The following CDH1 variants were observed in gnomAD, a reference collection of about 807,000 sequenced individuals.
CDH1 encodes cadherin-1.
In CDH1, 35 loss-of-function variants were observed where a neutral mutation model predicts 84.5. That is an observed-to-expected ratio of 0.41 (90% confidence interval 0.32 to 0.55). CDH1 has a LOEUF of 0.55. Ranked by LOEUF, CDH1 falls within the 20% of genes least tolerant of loss-of-function variation. CDH1 has a pLI of 0.19. For synonymous variants in CDH1, 417 were observed against 439.0 expected (o/e 0.95, Z 0.63); for missense variants, 994 against 1,126.6 (o/e 0.88, Z 1.68).
At chr16:68,801,529 G>T in intron 2 of CDH1, 141 bp from the exon 3 acceptor site, 1 of 758,992 alleles carries the variant, frequency 1.3e-6, no homozygotes. Flanking sequence ...TGATAGCTTT[G>T]TTGTTCTGTC....
chr16:68,801,776 G>A lies in CDH1; in HGVS notation c.270G>A (p.Arg90=), dbSNP rs777822181. ...TGATTACAGTCAAAAGGCCTCTACG[G>A]TTTCATAACCCACAGATCCATTTCT... The part of the protein sequence containing the change: ...DGVITVKRPL[R]FHNPQIHFLV... The change falls in exon 3 of 16, where the codon CGG becomes CGA. Residue 90 remains arginine (R), a synonymous_variant. Coordinates refer to ENST00000261769, the MANE Select transcript of CDH1 (RefSeq NM_004360.5). The A allele has an allele frequency of 6.8e-6, 11 of 1,614,122 alleles. No individual in the cohort carries two copies. In the Middle Eastern group the frequency reaches 1.3e-3, roughly 194 times the overall value.
chr16:68,742,600 G>A (rs1190956921), intron 2 of CDH1: 1 of 152,492 alleles, frequency 6.6e-6, no homozygotes, highest in African/African-American at 2.4e-5. Flanking sequence ...GGTTAGGCTG[G>A]TCTACAATCT....
intron 2 of CDH1, among the ~76,000 whole-genome samples, chr16:68,781,877 G>C (rs1462272774): frequency 4.6e-5 from 7 of 152,098 alleles, no homozygotes; most frequent in Non-Finnish European, 8.8e-5. Context: ...GTTCCAGGGG[G>C]CCCATGCCTT....
intron 2 of CDH1, among the ~76,000 whole-genome samples, chr16:68,782,728 G>A (rs937369454): frequency 7.2e-5 from 11 of 152,082 alleles, no homozygotes; most frequent in African/African-American, 2.7e-4. Context: ...CATTGTGACC[G>A]ATCCTTCGCA....
chr16:68,766,131 C>T (rs181952709), intron 2 of CDH1, among the ~76,000 whole-genome samples: 51 of 152,110 alleles, frequency 3.4e-4, no homozygotes, highest in Non-Finnish European at 2.5e-4. Flanking sequence ...TGGTGGTGCG[C>T]GCCTGTAGTC....
chr16:68,757,437 A>T (rs527694572), intron 2 of CDH1, among the ~76,000 whole-genome samples: 117 of 152,152 alleles, frequency 7.7e-4, no homozygotes, highest in African/African-American at 2.6e-3. Context: ...TGGGCTTTGT[A>T]ATTTGGTTAT....
At chr16:68,783,165 G>C (rs2152122294) in intron 2 of CDH1, among the ~76,000 whole-genome samples, 1 of 152,102 alleles carries the variant, frequency 6.6e-6, no homozygotes, top group African/African-American at 2.4e-5. Flanking sequence ...GGGAGGCCGA[G>C]GCAGGCAGAT....
chr16:68,753,027 T>C (rs1962923427), intron 2 of CDH1, among the ~76,000 whole-genome samples: 1 of 151,944 alleles, frequency 6.6e-6, no homozygotes, highest in South Asian at 2.1e-4. Flanking sequence ...AAGAGCTTGA[T>C]GAGAGACGCA....
intron 3 of CDH1, 75 bp from the exon 4 acceptor site, chr16:68,808,349 G>A (rs2152129467): frequency 3.3e-6 from 5 of 1,498,240 alleles, no homozygotes; most frequent in Non-Finnish European, 4.6e-6. Flanking sequence ...ACGCTGTCTG[G>A]CTAGGTTGGA....
At position 68,811,396 on chromosome 16, in the gene CDH1, CAA is replaced by C. The variant is rs1158343325; in HGVS notation, c.833-268_833-267del. On this transcript the variant is annotated intron_variant, in intron 6 of 15. Coordinates refer to ENST00000261769, the MANE Select transcript of CDH1 (RefSeq NM_004360.5). ...GGGCAACAGGAGCAAAACTCCGTCTCAAAAAAAAAAAAAAAAAAAAAGATAAC... is the reference window on the plus strand; with the variant it reads ...GGGCAACAGGAGCAAAACTCCGTCTCAAAAAAAAAAAAAAAAAAAGATAAC... 0.15 allele frequency among the ~76,000 whole-genome samples: 11,928 copies of C among 77,746 alleles called. 1,098 individuals are homozygous for C. Among genetic ancestry groups the C allele is most frequent in the African/African-American group, 0.32 (8,354 of 26,034 alleles). The allele number at this position is 77,746 out of a possible 152,430, so 51.0% of individuals were successfully genotyped here. A position where few individuals can be genotyped will look rare whatever the true frequency, so the allele number is the denominator to read the frequency against.
intron 15 of CDH1, among the ~76,000 whole-genome samples, chr16:68,830,885 A>C (rs1285693067): frequency 1.3e-5 from 2 of 152,046 alleles, no homozygotes; most frequent in African/African-American, 4.8e-5. Context: ...ACAAGGCATT[A>C]AATTAATTAG....
At chr16:68,820,498 G>A (rs1235487621) in intron 11 of CDH1, among the ~76,000 whole-genome samples, 1 of 151,712 alleles carries the variant, frequency 6.6e-6, no homozygotes, top group African/African-American at 2.4e-5. Flanking sequence ...TTACAGGTGT[G>A]CACCACCACG....
At chr16:68,738,444 G>C in intron 2 of CDH1, 33 bp downstream of exon 2, 2 of 1,451,436 alleles carry the variant, frequency 1.4e-6, no homozygotes, top group Non-Finnish European at 1.9e-6. Context: ...CCTGGGCGGA[G>C]TAGGGAGGGG....
At chr16:68,792,972 CAT>C (rs1347398756) in intron 2 of CDH1, among the ~76,000 whole-genome samples, 2 of 152,128 alleles carry the variant, frequency 1.3e-5, no homozygotes, top group African/African-American at 4.8e-5. Flanking sequence ...GTTCTGGGCA[CAT>C]ATGTTTGGGG....
Position 68,806,301 on chromosome 16 carries a change from C to T in CDH1, c.388-2123C>T, listed in dbSNP as rs181040167. Among the ~76,000 whole-genome samples the T allele has an allele frequency of 2.8e-3, 433 of 152,178 alleles. 1 individual carries two copies. Among genetic ancestry groups the T allele is most frequent in the Non-Finnish European group, 5.1e-3 (347 of 67,998 alleles). On this transcript the variant is annotated intron_variant, in intron 3 of 15. Transcript: ENST00000261769. ...CAAGTAGTTGGGACCCCGTGTGTGCCACCATGCCCGGCTAATTTTTGTATT... is the reference window on the plus strand; with the variant it reads ...CAAGTAGTTGGGACCCCGTGTGTGCTACCATGCCCGGCTAATTTTTGTATT...
chr16:68,830,151 T>A (rs1236688553), intron 15 of CDH1, among the ~76,000 whole-genome samples: 4 of 151,400 alleles, frequency 2.6e-5, no homozygotes, highest in Non-Finnish European at 5.9e-5. Flanking sequence ...GCAGGGTTTC[T>A]CCATGTTGGT....
chr16:68,793,043 A>C (rs997500474), intron 2 of CDH1, among the ~76,000 whole-genome samples: 2 of 150,732 alleles, frequency 1.3e-5, no homozygotes, highest in Non-Finnish European at 2.9e-5. Context: ...CTGGGAACCC[A>C]TGGGGGTCGC....
At position 68,758,047 on chromosome 16, in the gene CDH1, C is replaced by A. The variant is rs528211744; in HGVS notation, c.163+19636C>A. On this transcript the variant is annotated intron_variant, in intron 2 of 15. Coordinates refer to ENST00000261769, the MANE Select transcript of CDH1 (RefSeq NM_004360.5). ...CAGGCTGGTTTTGAACTCCTGAGCT[C>A]AAGCCATCTGCCCGCCTCAGCCTCC... Among the ~76,000 whole-genome samples the A allele has an allele frequency of 2.7e-5, 4 of 146,978 alleles. No homozygotes were observed. In the South Asian group the frequency reaches 8.7e-4, roughly 32 times the overall value.
intron 2 of CDH1, among the ~76,000 whole-genome samples, chr16:68,762,234 G>C (rs201344818): frequency 6.6e-6 from 1 of 152,140 alleles, no homozygotes; most frequent in Non-Finnish European, 1.5e-5. Flanking sequence ...GGCCATCTTC[G>C]TTGTTGCTAC....
Sources: gnomAD v4.1 joint callset for allele counts (sites outside exome capture counted in the v4.1 genomes callset) on GRCh38, gnomAD v4.1.1 for gene constraint, MANE v1.5 for transcripts, NCBI Gene and HGNC (gene_info 2026-07-23, HGNC 2026-07-21) for gene names.